The following PPFIA2 variants were observed in gnomAD, a reference collection of about 807,000 sequenced individuals.
PPFIA2 encodes the protein liprin-alpha-2.
Under a neutral mutation model 175.5 loss-of-function variants are expected in PPFIA2, and 46 were observed. The ratio of observed to expected loss-of-function variants is 0.26; its 90% CI spans 0.21 to 0.34. The LOEUF is 0.34. Among genes scored for constraint, PPFIA2 ranks in the 10% least tolerant of loss-of-function variants. PPFIA2 has a pLI of 1.00. For missense variants in PPFIA2, 1,179 were observed against 1,506.1 expected, an observed-to-expected ratio of 0.78 and a Z score of 3.60; for synonymous variants, 568 against 511.4, an observed-to-expected ratio of 1.11 and a Z score of -1.49.
intron 3 of PPFIA2, among the ~76,000 whole-genome samples, chr12:81,693,864 CAT>C (rs985634784): frequency 1.1e-4 from 17 of 152,278 alleles, no homozygotes; most frequent in African/African-American, 4.1e-4. Context: ...AAAGTTTACA[CAT>C]GTTATGCCTT....
chr12:81,333,278 T>G (rs2056486358), intron 21 of PPFIA2, among the ~76,000 whole-genome samples: 1 of 152,234 alleles, frequency 6.6e-6, no homozygotes, highest in East Asian at 1.9e-4. Context: ...GGTTCTAGTT[T>G]CGTATCCTTA....
At chr12:81,433,060 T>A (rs2048379974) in intron 7 of PPFIA2, among the ~76,000 whole-genome samples, 1 of 152,018 alleles carries the variant, frequency 6.6e-6, no homozygotes, top group Non-Finnish European at 1.5e-5. Flanking sequence ...TAATATTACC[T>A]TTAGTGCTTT....
intron 4 of PPFIA2, among the ~76,000 whole-genome samples, chr12:81,660,621 C>G (rs567557141): frequency 6.4e-4 from 97 of 152,288 alleles, no homozygotes; most frequent in African/African-American, 2.1e-3. Context: ...GGAAAACACT[C>G]TGCAGGATAT....
At chr12:81,275,953 T>A (rs556969745) in intron 28 of PPFIA2, among the ~76,000 whole-genome samples, 1 of 151,948 alleles carries the variant, frequency 6.6e-6, no homozygotes, top group East Asian at 1.9e-4. Context: ...CCCGGCTAAT[T>A]TTTTGTATTT....
chr12:81,350,145 G>A (rs530948524), intron 17 of PPFIA2, among the ~76,000 whole-genome samples: 61 of 152,230 alleles, frequency 4.0e-4, no homozygotes, highest in Non-Finnish European at 7.1e-4. Context: ...AGGGTGTGTT[G>A]ATCTCTTTGG....
intron 4 of PPFIA2, chr12:81,472,940 A>G (rs1430580904): frequency 6.6e-6 from 1 of 152,216 alleles, no homozygotes; most frequent in Non-Finnish European, 1.5e-5. Flanking sequence ...TCAAAAAGAA[A>G]AAATATATAA....
At chr12:81,521,382 T>C (rs11114906) in intron 4 of PPFIA2, among the ~76,000 whole-genome samples, 3,782 of 152,282 alleles carry the variant, frequency 0.025, 91 homozygotes, top group East Asian at 0.12. Context: ...TTCTGATATT[T>C]ACTAAACACT....
rs767952245 is a variant in PPFIA2 at position 81,676,839 on chromosome 12, G to A, written c.255C>T (p.Ile85=). ...RQLNSALPQD[I]ESLTGGLAGS... ...CAGCCAGCCCTCCTGTTAGGGATTC[G>A]ATATCCTGAAAAGGGGAGAGGTGTT... The change falls in exon 4 of 33, where the codon ATC becomes ATT. Residue 85 remains isoleucine, a synonymous_variant. Coordinates refer to ENST00000549396, the MANE Select transcript of PPFIA2 (RefSeq NM_003625.5). 7.7e-6 allele frequency: 12 copies of A among 1,565,018 alleles called. No individual in the cohort carries two copies. The highest frequency in any genetic ancestry group is 3.6e-5 in the South Asian group (3 of 83,862).
At chr12:81,511,342 A>G (rs2061772090) in intron 4 of PPFIA2, among the ~76,000 whole-genome samples, 1 of 152,128 alleles carries the variant, frequency 6.6e-6, no homozygotes, top group East Asian at 1.9e-4. Flanking sequence ...TTGGAAAATT[A>G]TTAAGAAAAT....
chr12:81,434,692 G>A (rs933372984), intron 7 of PPFIA2, among the ~76,000 whole-genome samples: 33 of 151,808 alleles, frequency 2.2e-4, no homozygotes, highest in African/African-American at 7.5e-4. Context: ...CAGCATTAGT[G>A]TACTGACATA....
chr12:81,722,570 G>A (rs2079498118), intron 3 of PPFIA2, among the ~76,000 whole-genome samples: 1 of 150,956 alleles, frequency 6.6e-6, no homozygotes, highest in African/African-American at 2.4e-5. Context: ...CCCCAGGAGA[G>A]ATAGGAGATA....
Position 81,630,899 on chromosome 12 carries a change from A to T in PPFIA2, c.303+45892T>A, listed in dbSNP as rs60162334. 9.7e-3 allele frequency among the ~76,000 whole-genome samples: 1,035 copies of T among 106,462 alleles called. 21 individuals are homozygous for T. The highest frequency in any genetic ancestry group is 0.058 in the East Asian group (242 of 4,204). 69.8% of individuals were successfully genotyped at this position (106,462 alleles called of 152,430 possible). ...GGAAAGGCTATATATATATATATAT[A>T]TTTTTTTTTTTTTTCCAGACAGAGT... is the stretch of plus-strand genomic sequence containing the variant. On this transcript the variant is annotated intron_variant, in intron 4 of 32. Coordinates refer to ENST00000549396, the MANE Select transcript of PPFIA2 (RefSeq NM_003625.5).
intron 4 of PPFIA2, among the ~76,000 whole-genome samples, chr12:81,595,579 A>G (rs1199155942): frequency 6.6e-6 from 1 of 152,116 alleles, no homozygotes; most frequent in African/African-American, 2.4e-5. Flanking sequence ...CACATAAGGG[A>G]ATTAGCTTAA....
chr12:81,634,606 G>A (rs1224418903), intron 4 of PPFIA2, among the ~76,000 whole-genome samples: 1 of 152,026 alleles, frequency 6.6e-6, no homozygotes, highest in Non-Finnish European at 1.5e-5. Flanking sequence ...CTTGTGAAAA[G>A]TGGAATAATT....
chr12:81,755,425 C>A (rs2153668532), intron 2 of PPFIA2, among the ~76,000 whole-genome samples: 1 of 152,252 alleles, frequency 6.6e-6, no homozygotes, highest in South Asian at 2.1e-4. Context: ...GATCCTGAAG[C>A]ACTGTTTGGT....
chr12:81,679,375 G>A (rs1231495917), intron 3 of PPFIA2, among the ~76,000 whole-genome samples: 1 of 151,860 alleles, frequency 6.6e-6, no homozygotes, highest in Non-Finnish European at 1.5e-5. Flanking sequence ...GAAGCTATCA[G>A]AGGGATAATA....
At chr12:81,458,003 G>A in intron 4 of PPFIA2, 137 bp from the exon 5 acceptor site, 1 of 603,006 alleles carries the variant, frequency 1.7e-6, no homozygotes, top group South Asian at 2.1e-5. Context: ...CTGTTATGAA[G>A]TATCTTAAAT....
chr12:81,456,175 G>T (rs1424197609), intron 5 of PPFIA2, among the ~76,000 whole-genome samples: 1 of 152,022 alleles, frequency 6.6e-6, no homozygotes, highest in African/African-American at 2.4e-5. Flanking sequence ...TAAATGTCAT[G>T]GTATAAATAA....
intron 3 of PPFIA2, among the ~76,000 whole-genome samples, chr12:81,679,520 T>C (rs1224509583): frequency 2.0e-5 from 3 of 151,910 alleles, no homozygotes; most frequent in East Asian, 3.9e-4. Context: ...TTTTAAGCTC[T>C]TTGTGATTAT....
Sources: allele counts gnomAD v4.1 joint callset (sites outside exome capture counted in the v4.1 genomes callset), GRCh38; gene constraint gnomAD v4.1.1; transcripts MANE v1.5; gene names NCBI Gene and HGNC (gene_info 2026-07-23, HGNC 2026-07-21).